Variants in DMD observed in about 807,000 individuals in gnomAD.
DMD encodes mutant dystrophin.
A neutral mutation model predicts 330.1 loss-of-function variants in DMD; 63 were observed. The observed-to-expected ratio is 0.19, with a 90% CI of 0.16 to 0.24. DMD has a LOEUF of 0.24. Among genes scored for constraint, DMD ranks in the 10% least tolerant of loss-of-function variants. The pLI, the probability that DMD is intolerant of heterozygous loss-of-function variation, is 1.00. For synonymous variants in DMD, 1,223 were observed against 959.8 expected, an observed-to-expected ratio of 1.27 and a Z score of -5.07; for missense variants, 3,344 against 2,684.1, an observed-to-expected ratio of 1.25 and a Z score of -5.43.
chrX:31,860,905 T>A (rs775767670), intron 48 of DMD, among the ~76,000 whole-genome samples: 96 of 112,400 alleles, frequency 8.5e-4, no homozygotes, highest in Non-Finnish European at 1.4e-3. Context: ...TTTGTCATCA[T>A]GTTGAACTTC....
intron 7 of DMD, among the ~76,000 whole-genome samples, chrX:32,789,054 C>G (rs2075627642): frequency 8.9e-6 from 1 of 111,762 alleles, no homozygotes; most frequent in African/African-American, 3.3e-5. Flanking sequence ...GCAACCCTTG[C>G]TGGAAACTGT....
intron 34 of DMD, among the ~76,000 whole-genome samples, chrX:32,374,385 T>G (rs2097892855): frequency 8.9e-6 from 1 of 111,858 alleles, no homozygotes; most frequent in African/African-American, 3.2e-5. Context: ...CCTAAGCCAG[T>G]GTCCAGAAGA....
Position 31,147,488 on chromosome X carries a change from C to T in DMD, c.10584G>A (p.Lys3528=). Residue 3528 remains lysine (K), a synonymous_variant, in exon 75 of 79, where the codon AAG becomes AAA. Transcript: ENST00000357033. ...ACAGGCCTTTATGTTCGTGCTGCTGCTTTAGACGGTCATATTCTGCTTGCA... is the reference window on the plus strand; with the variant it reads ...ACAGGCCTTTATGTTCGTGCTGCTGTTTTAGACGGTCATATTCTGCTTGCA... The part of the protein sequence containing the change: ...RNLQAEYDRL[K]QQHEHKGLSP... 2 of 1,201,461 alleles carry T rather than the reference C, an allele frequency of 1.7e-6. No homozygotes were observed. The highest frequency in any genetic ancestry group is 2.2e-6 in the Non-Finnish European group (2 of 889,377).
intron 30 of DMD, among the ~76,000 whole-genome samples, chrX:32,404,371 T>A (rs1395357592): frequency 9.0e-6 from 1 of 111,588 alleles, no homozygotes; most frequent in African/African-American, 3.3e-5. Context: ...TTTTTCAATA[T>A]TTAATTATGA....
At chrX:32,720,571 A>T (rs920017713) in intron 7 of DMD, among the ~76,000 whole-genome samples, 9 of 111,488 alleles carry the variant, frequency 8.1e-5, no homozygotes, top group African/African-American at 2.9e-4. Context: ...GAATAAGCAA[A>T]CTGAGAAAAT....
chrX:32,508,834 G>A (rs1030280194), intron 18 of DMD, among the ~76,000 whole-genome samples: 5 of 109,342 alleles, frequency 4.6e-5, no homozygotes, highest in Middle Eastern at 8.6e-3. Flanking sequence ...TTTTTGAGAC[G>A]GAGTCTCGCT....
At chrX:32,150,422 C>T (rs149162619) in intron 44 of DMD, among the ~76,000 whole-genome samples, 2,939 of 111,278 alleles carry the variant, frequency 0.026, 46 homozygotes, top group Non-Finnish European at 0.041. Context: ...TTGCCGGTGC[C>T]GCTGGTGGTG....
At chrX:32,990,917 C>A (rs1176095985) in intron 2 of DMD, among the ~76,000 whole-genome samples, 7 of 111,145 alleles carry the variant, frequency 6.3e-5, no homozygotes, top group Non-Finnish European at 1.9e-5. Flanking sequence ...ATTCCATATA[C>A]CAAGCTTTAT....
At chrX:32,577,688 A>G (rs1211250069) in intron 13 of DMD, among the ~76,000 whole-genome samples, 3 of 112,099 alleles carry the variant, frequency 2.7e-5, no homozygotes, top group Non-Finnish European at 5.6e-5. Context: ...TATATTCTTT[A>G]AAGGTTTCCA....
At chrX:31,362,866 C>A (rs756056193) in intron 60 of DMD, among the ~76,000 whole-genome samples, 2 of 112,463 alleles carry the variant, frequency 1.8e-5, no homozygotes, top group Non-Finnish European at 3.8e-5. Flanking sequence ...AGGAGAATGG[C>A]GTGAACCCCG....
intron 1 of DMD, among the ~76,000 whole-genome samples, chrX:33,299,013 C>A (rs2053623751): frequency 9.0e-6 from 1 of 111,713 alleles, no homozygotes; most frequent in Non-Finnish European, 1.9e-5. Context: ...CACAACTTCA[C>A]AGAATATATT....
Position 31,439,463 on chromosome X carries a change from G to A in DMD, c.9084+5018C>T, listed in dbSNP as rs1002066209. On this transcript the variant is annotated intron_variant, in intron 60 of 78. Coordinates refer to ENST00000357033, the MANE Select transcript of DMD (RefSeq NM_004006.3). ...TACCACAGAGGTATACAGATGGAGT[G>A]TAATGATGTCTACATGACTTTGGAA... 3.6e-5 allele frequency among the ~76,000 whole-genome samples: 4 copies of A among 109,615 alleles called. No individual in the cohort carries two copies. In the Admixed American group the frequency reaches 4.0e-4, roughly 11 times the overall value.
intron 41 of DMD, among the ~76,000 whole-genome samples, chrX:32,315,360 T>G (rs2097579386): frequency 9.2e-6 from 1 of 109,145 alleles, no homozygotes; most frequent in South Asian, 3.9e-4. Context: ...CGCAGGGGCC[T>G]GTTGGCGGGT....
chrX:32,226,716 A>C (rs1047637635), intron 43 of DMD, among the ~76,000 whole-genome samples: 21 of 111,458 alleles, frequency 1.9e-4, no homozygotes, highest in African/African-American at 6.5e-4. Context: ...TAAACCCAGA[A>C]TAATACTGCC....
intron 4 of DMD, among the ~76,000 whole-genome samples, chrX:32,843,683 AAG>A (rs1262451141): frequency 1.8e-5 from 2 of 111,913 alleles, no homozygotes; most frequent in African/African-American, 3.2e-5. Flanking sequence ...TTATCTTTGA[AAG>A]AGAGAGGTAA....
At chrX:31,904,215 T>C (rs1020231882) in intron 47 of DMD, among the ~76,000 whole-genome samples, 6 of 111,763 alleles carry the variant, frequency 5.4e-5, no homozygotes, top group South Asian at 3.7e-4. Context: ...AATATATTAC[T>C]ACACTTAACA....
At chrX:32,007,237 TAATA>T (rs978734151) in intron 44 of DMD, among the ~76,000 whole-genome samples, 3 of 104,874 alleles carry the variant, frequency 2.9e-5, no homozygotes, top group African/African-American at 6.9e-5. Flanking sequence ...ATAATAATAA[TAATA>T]ATAATAATAA....
chrX:32,516,646 G>A (rs922208978), intron 18 of DMD: 24 of 111,332 alleles, frequency 2.2e-4, no homozygotes, highest in Non-Finnish European at 4.3e-4. Flanking sequence ...AAATGCTAAA[G>A]GTGATTCATA....
rs761835866 is a variant in DMD, at chrX:32,050,974, C to CTTTTTTTTTTTT, written c.6439-82472_6439-82461dup. ...TTACATTGCCTCAGGCTAACTTCCT[C>CTTTTTTTTTTTT]TTTTTTTTTTTTTCCCCCTAATAGA... On this transcript the variant is annotated intron_variant, in intron 44 of 78. Transcript: ENST00000357033. 7.0e-4 allele frequency among the ~76,000 whole-genome samples: 55 copies of CTTTTTTTTTTTT among 78,116 alleles called. 3 individuals are homozygous for CTTTTTTTTTTTT. The highest frequency in any genetic ancestry group is 2.2e-3 in the African/African-American group (39 of 17,522). 67.8% of individuals were successfully genotyped at this position (78,116 alleles called of 115,157 possible).
Sources: allele counts gnomAD v4.1 joint callset (sites outside exome capture counted in the v4.1 genomes callset), GRCh38; gene constraint gnomAD v4.1.1; transcripts MANE v1.5; gene names NCBI Gene and HGNC (gene_info 2026-07-23, HGNC 2026-07-21).